Variants in PHLPP1 observed in about 807,000 individuals in gnomAD.
PHLPP1 encodes PH domain and leucine rich repeat protein phosphatase 1.
Under a neutral mutation model 117.2 loss-of-function variants are expected in PHLPP1, and 42 were observed. The observed-to-expected ratio is 0.36, with a 90% confidence interval of 0.28 to 0.46. The LOEUF (loss-of-function observed/expected upper bound fraction) is 0.46. PHLPP1 is among the 20% of genes least tolerant of loss of function. The pLI is 1.00. For synonymous variants in PHLPP1, 1,042 were observed against 970.7 expected (o/e 1.07, Z -1.37); for missense variants, 2,084 against 2,241.9 (o/e 0.93, Z 1.42).
At chr18:62,938,802 G>A (rs1910045338) in intron 10 of PHLPP1, among the ~76,000 whole-genome samples, 1 of 152,044 alleles carries the variant, frequency 6.6e-6, no homozygotes, top group African/African-American at 2.4e-5. Flanking sequence ...ATGCCATGAG[G>A]GGTTTTTTAA....
chr18:62,780,767 T>C (rs1913096501), intron 1 of PHLPP1, among the ~76,000 whole-genome samples: 1 of 152,224 alleles, frequency 6.6e-6, no homozygotes, highest in Non-Finnish European at 1.5e-5. Flanking sequence ...AAATTCTTTA[T>C]TTGCATGTGC....
intron 3 of PHLPP1, among the ~76,000 whole-genome samples, chr18:62,843,377 T>C (rs185882837): frequency 6.6e-5 from 10 of 152,310 alleles, no homozygotes; most frequent in Non-Finnish European, 1.3e-4. Context: ...AGTTCTTTAT[T>C]TTCAGTTTAT....
chr18:62,899,023 C>T (rs933070731), intron 6 of PHLPP1, among the ~76,000 whole-genome samples: 1 of 152,084 alleles, frequency 6.6e-6, no homozygotes, highest in Non-Finnish European at 1.5e-5. Flanking sequence ...TGGTCTCAAA[C>T]TCCTGACCTC....
intron 10 of PHLPP1, among the ~76,000 whole-genome samples, chr18:62,940,147 AC>A (rs1241148163): frequency 6.6e-6 from 1 of 151,698 alleles, no homozygotes. Context: ...GTCATCTCTG[AC>A]TCTTGAGGGT....
rs73963471 is a variant in PHLPP1, at chr18:62,717,532, C to G, written c.1576+273C>G. ...CAGGAAGTACAGGAAGCAGATCCCT[C>G]TGAAAGCGGCAAGAGCACCTTTAAC... On this transcript the variant is annotated intron_variant, in intron 1 of 16. Transcript: ENST00000262719. 2.1e-3 allele frequency among the ~76,000 whole-genome samples: 323 copies of G among 152,294 alleles called. 3 individuals are homozygous for G. The highest frequency in any genetic ancestry group is 7.6e-3 in the African/African-American group (314 of 41,554).
At chr18:62,739,783 G>A (rs1259826302) in intron 1 of PHLPP1, among the ~76,000 whole-genome samples, 1 of 152,098 alleles carries the variant, frequency 6.6e-6, no homozygotes, top group Non-Finnish European at 1.5e-5. Flanking sequence ...TAAGAGCTCT[G>A]GAAGTCTTTG....
intron 3 of PHLPP1, among the ~76,000 whole-genome samples, chr18:62,858,700 G>A (rs868100195): frequency 1.3e-5 from 2 of 152,158 alleles, no homozygotes; most frequent in Non-Finnish European, 2.9e-5. Flanking sequence ...GGAGGCTGAC[G>A]TGAGAGGATC....
intron 10 of PHLPP1, among the ~76,000 whole-genome samples, chr18:62,940,496 C>T (rs986842024): frequency 1.3e-5 from 2 of 150,788 alleles, no homozygotes; most frequent in African/African-American, 4.9e-5. Context: ...TCCCGAGTAG[C>T]TGGGACTGCA....
Position 62,844,445 on chromosome 18 carries a change from C to CT in PHLPP1, c.1899+5539dup, listed in dbSNP as rs140552998. Among the ~76,000 whole-genome samples, 800 of 151,932 alleles carry CT rather than the reference C, an allele frequency of 5.3e-3. 12 individuals carry two copies. The highest frequency in any genetic ancestry group is 0.018 in the African/African-American group (766 of 41,452). On this transcript the variant is annotated intron_variant, in intron 3 of 16. Coordinates refer to ENST00000262719, the MANE Select transcript of PHLPP1 (RefSeq NM_194449.4). ...GTGTTGTGTCCCTTTTTTTCTTACT[C>CT]TTTATTACAGAAAATATCAAATATT...
At chr18:62,968,099 A>G (rs1239047522) in intron 14 of PHLPP1, among the ~76,000 whole-genome samples, 1 of 152,226 alleles carries the variant, frequency 6.6e-6, no homozygotes, top group Non-Finnish European at 1.5e-5. Flanking sequence ...CTAGGATTAC[A>G]GGCGTGAGCT....
chr18:62,888,212 T>C (rs144499388), intron 4 of PHLPP1, among the ~76,000 whole-genome samples: 2 of 152,288 alleles, frequency 1.3e-5, no homozygotes, highest in African/African-American at 4.8e-5. Flanking sequence ...TGAAGAAATA[T>C]CTGTAGCCTC....
intron 4 of PHLPP1, among the ~76,000 whole-genome samples, chr18:62,863,019 G>A (rs1418753361): frequency 4.6e-5 from 7 of 151,344 alleles, no homozygotes; most frequent in African/African-American, 1.5e-4. Flanking sequence ...TGTAGCTGAC[G>A]TGTACTATGA....
At chr18:62,922,798 T>G (rs1414620446) in intron 10 of PHLPP1, among the ~76,000 whole-genome samples, 1 of 152,214 alleles carries the variant, frequency 6.6e-6, no homozygotes, top group Non-Finnish European at 1.5e-5. Flanking sequence ...CTGTATTTCA[T>G]TCTCTGGAGA....
chr18:62,717,124 C>T lies in PHLPP1; in HGVS notation c.1441C>T (p.Arg481Trp). Residue 481 changes from arginine to tryptophan, a missense_variant, in exon 1 of 17, where the codon CGG becomes TGG. Arg to Trp is a moderately radical substitution (Grantham distance 101). Coordinates refer to ENST00000262719, the MANE Select transcript of PHLPP1 (RefSeq NM_194449.4). Reference protein sequence around the residue: ...LYVQLHGETTRRLEAEEKPLQ... With the variant: ...LYVQLHGETTWRLEAEEKPLQ... ...CGTGCAGCTCCACGGAGAGACCACC[C>T]GGCGCTTGGAGGCGGAGGAGAAGCC... is the stretch of plus-strand genomic sequence containing the variant. The T allele has an allele frequency of 1.3e-6, 2 of 1,593,156 alleles. No homozygotes were observed. The highest frequency in any genetic ancestry group is 2.3e-5 in the East Asian group (1 of 44,012).
At chr18:62,943,871 A>G (rs548300023) in intron 11 of PHLPP1, among the ~76,000 whole-genome samples, 1 of 152,330 alleles carries the variant, frequency 6.6e-6, no homozygotes, top group South Asian at 2.1e-4. Flanking sequence ...TCGGGCTATC[A>G]TAGATGGATT....
At chr18:62,749,281 T>A (rs2122084158) in intron 1 of PHLPP1, among the ~76,000 whole-genome samples, 1 of 151,806 alleles carries the variant, frequency 6.6e-6, no homozygotes, top group African/African-American at 2.4e-5. Flanking sequence ...ATGACCAAAC[T>A]CCAAACCTCC....
intron 1 of PHLPP1, among the ~76,000 whole-genome samples, chr18:62,756,913 G>A (rs947386141): frequency 2.6e-5 from 4 of 152,172 alleles, no homozygotes; most frequent in Non-Finnish European, 4.4e-5. Flanking sequence ...GAAGAGAAGT[G>A]TAGAATGAGC....
intron 4 of PHLPP1, among the ~76,000 whole-genome samples, chr18:62,867,142 C>T (rs1374327300): frequency 1.3e-5 from 2 of 152,116 alleles, no homozygotes; most frequent in South Asian, 2.1e-4. Flanking sequence ...GAAGTAGGTG[C>T]CTGAAGCTCC....
At chr18:62,795,831 T>C (rs1221199046) in intron 1 of PHLPP1, among the ~76,000 whole-genome samples, 1 of 152,218 alleles carries the variant, frequency 6.6e-6, no homozygotes. Context: ...ATTGCCTGGA[T>C]TATTGCATAG....
Sources: allele counts gnomAD v4.1 joint callset (sites outside exome capture counted in the v4.1 genomes callset), GRCh38; gene constraint gnomAD v4.1.1; transcripts MANE v1.5; gene names NCBI Gene and HGNC (gene_info 2026-07-23, HGNC 2026-07-21).